The following KDM5B variants were observed in gnomAD, a reference collection of about 807,000 sequenced individuals.
KDM5B encodes the protein lysine-specific demethylase 5B.
KDM5B carries 144 observed loss-of-function variants against 193.4 expected under a neutral mutation model. That is an observed-to-expected ratio of 0.74 (90% CI 0.65 to 0.86). The LOEUF (loss-of-function observed/expected upper bound fraction) is 0.86. Among genes scored for constraint, KDM5B ranks in the 40% least tolerant of loss-of-function variants. The pLI, the probability that KDM5B is intolerant of heterozygous loss-of-function variation, is 0.00. For synonymous variants in KDM5B, 668 were observed against 682.6 expected, an observed-to-expected ratio of 0.98 and a Z score of 0.33; for missense variants, 1,833 against 1,886.9, an observed-to-expected ratio of 0.97 and a Z score of 0.53.
At chr1:202,735,276 C>CT (rs554933453) in intron 22 of KDM5B, among the ~76,000 whole-genome samples, 153 bp downstream of exon 22, 382 of 152,294 alleles carry the variant, frequency 2.5e-3, no homozygotes, top group Non-Finnish European at 4.5e-3. Context: ...ATTCAAAACT[C>CT]TTAACACTTG....
intron 1 of KDM5B, among the ~76,000 whole-genome samples, chr1:202,799,117 T>G (rs1394109991): frequency 6.6e-6 from 1 of 152,214 alleles, no homozygotes; most frequent in African/African-American, 2.4e-5. Flanking sequence ...AGACTCTTCT[T>G]AGCAATGAGC....
At chr1:202,801,604 C>A (rs1658076541) in intron 1 of KDM5B, among the ~76,000 whole-genome samples, 1 of 138,350 alleles carries the variant, frequency 7.2e-6, no homozygotes, top group Non-Finnish European at 1.6e-5. Context: ...TGGAAGTGTA[C>A]AATTTAATTT....
intron 11 of KDM5B, among the ~76,000 whole-genome samples, chr1:202,753,883 G>C (rs1655902456): frequency 6.6e-6 from 1 of 151,762 alleles, no homozygotes; most frequent in South Asian, 2.1e-4. Context: ...TTGCCAGGCT[G>C]GTCTCGAACT....
At position 202,752,965 on chromosome 1, in the gene KDM5B, A is replaced by T; in HGVS notation, c.1641T>A (p.Asp547Glu). 6.2e-7 allele frequency: 1 copy of T among 1,614,146 alleles called. No homozygotes were observed. The highest frequency in any genetic ancestry group is 2.2e-5 in the East Asian group (1 of 44,882). Residue 547 changes from aspartate to glutamate, a missense_variant, in exon 12 of 27, where the codon GAT (aspartate) becomes GAA (glutamate). Physicochemically the swap from Asp to Glu is conservative, Grantham distance 45 (BLOSUM62 2). Coordinates refer to ENST00000367265, the MANE Select transcript of KDM5B (RefSeq NM_006618.5). ...TGATGGTCACAAGCTGATGGAGGAG[A>T]TCCGGCTGGGACACAAAGAGTTCTG... ...LAPELFVSQP[D>E]LLHQLVTIMN...
chr1:202,731,980 A>G (rs769703623), intron 23 of KDM5B, 41 bp from the exon 24 acceptor site: 22 of 1,342,978 alleles, frequency 1.6e-5, no homozygotes, highest in Middle Eastern at 3.7e-4. Flanking sequence ...TCTCTTCAGG[A>G]TTAAAAATAC....
chr1:202,766,868 C>T (rs937606054), intron 5 of KDM5B, 58 bp downstream of exon 5: 69 of 1,503,368 alleles, frequency 4.6e-5, no homozygotes, highest in Non-Finnish European at 6.1e-5. Context: ...CAGTGCCAGA[C>T]AGCCATTGGT....
intron 1 of KDM5B, among the ~76,000 whole-genome samples, chr1:202,786,786 C>T (rs903034962): frequency 6.6e-6 from 1 of 152,084 alleles, no homozygotes; most frequent in African/African-American, 2.4e-5. Context: ...GTGGCTCACA[C>T]CTGTAATCCC....
rs776430639 is a variant in KDM5B at position 202,736,389 on chromosome 1, C to T, written c.3088G>A (p.Gly1030Arg). The part of the protein sequence containing the change: ...WLQDVEGLQA[G>R]GRVPVLDTLI... ...GTGTCTAACACTGGCACACGTCCTCCAGCCTAATAAGTCAAGAAAAATTAC... is the reference window on the plus strand; with the variant it reads ...GTGTCTAACACTGGCACACGTCCTCTAGCCTAATAAGTCAAGAAAAATTAC... The change falls in exon 21 of 27, where the codon GGA becomes AGA. Residue 1030 changes from glycine to arginine, a missense_variant. This residue lies in a region of KDM5B where 1,379 missense variants were observed against 1,349.6 expected (regional missense o/e 1.02). Coordinates refer to ENST00000367265, the MANE Select transcript of KDM5B (RefSeq NM_006618.5). The T allele has an allele frequency of 9.7e-6, 15 of 1,550,852 alleles. No homozygotes were observed. In the East Asian group the frequency reaches 2.6e-4, roughly 27 times the overall value.
At position 202,728,083 on chromosome 1, in the gene KDM5B, C is replaced by T. The variant is rs994992334; in HGVS notation, c.*953G>A. ...AATGTTGTTTGCAGGCTAACATCCA[C>T]TGCTACTGCAACCTGGTTGGGCAGA... On this transcript the variant is annotated 3_prime_UTR_variant, in exon 27 of 27. Transcript: ENST00000367265. The T allele has an allele frequency of 1.3e-5, 2 of 152,346 alleles. No homozygotes were observed. The highest frequency in any genetic ancestry group is 4.8e-5 in the African/African-American group (2 of 41,472). The allele number at this position is 152,346 out of a possible 1,614,324, so 9.4% of individuals were successfully genotyped here.
intron 12 of KDM5B, among the ~76,000 whole-genome samples, chr1:202,751,017 C>T (rs1258335826): frequency 6.6e-6 from 1 of 152,060 alleles, no homozygotes; most frequent in East Asian, 1.9e-4. Context: ...CAAAAATGTG[C>T]CCATATTAAG....
At chr1:202,784,779 C>A (rs1291026535) in intron 1 of KDM5B, among the ~76,000 whole-genome samples, 3 of 152,178 alleles carry the variant, frequency 2.0e-5, no homozygotes, top group Admixed American at 6.5e-5. Context: ...GTGGCTCATG[C>A]CAGTAATCCC....
rs549432959 is a variant in KDM5B at position 202,771,037 on chromosome 1, A to G, written c.576+2081T>C. On this transcript the variant is annotated intron_variant, in intron 4 of 26. Coordinates refer to ENST00000367265, the MANE Select transcript of KDM5B (RefSeq NM_006618.5). ...TTAAGTATATAAGTGACATGTTTCTAAAATGTTACAACCCACAAAGCATCA... is the reference window on the plus strand; with the variant it reads ...TTAAGTATATAAGTGACATGTTTCTGAAATGTTACAACCCACAAAGCATCA... Among the ~76,000 whole-genome samples, 7 of 152,298 alleles carry G rather than the reference A, an allele frequency of 4.6e-5. No individual in the cohort carries two copies. The South Asian group carries it at 1.4e-3, about 32-fold the overall frequency.
chr1:202,789,576 A>G (rs1276056129), intron 1 of KDM5B, among the ~76,000 whole-genome samples: 4 of 456 alleles, frequency 8.8e-3, no homozygotes, highest in African/African-American at 0.02. Flanking sequence ...AGAAAGGAAA[A>G]GGGGAAAGGA....
chr1:202,748,878 A>C, intron 14 of KDM5B, 67 bp downstream of exon 14: 1 of 1,282,650 alleles, frequency 7.8e-7, no homozygotes, highest in South Asian at 1.4e-5. Flanking sequence ...AATGATATTA[A>C]AGTGCGTAAA....
chr1:202,774,509 C>CTGTAAGTGCTGAGATTACAGATTACAG (rs1656857087), intron 3 of KDM5B, 104 bp downstream of exon 3: 2 of 1,063,626 alleles, frequency 1.9e-6, no homozygotes, highest in Non-Finnish European at 2.8e-6. Context: ...ATTACAGGTG[C>CTGTAAGTGCTGAGATTACAGATTACAG]GAGCCACCTG....
chr1:202,745,610 C>G (rs1472175069), intron 16 of KDM5B, among the ~76,000 whole-genome samples: 2 of 152,032 alleles, frequency 1.3e-5, no homozygotes, highest in Non-Finnish European at 2.9e-5. Flanking sequence ...CTAACAATAT[C>G]GTTTTTGTTA....
rs752552214 is a variant in KDM5B, at chr1:202,764,091, G to A, written c.766C>T (p.Leu256=). The change falls in exon 6 of 27, where the codon CTG becomes TTG. Residue 256 remains leucine (L), a synonymous_variant. Coordinates refer to ENST00000367265, the MANE Select transcript of KDM5B (RefSeq NM_006618.5). The part of the protein sequence containing the change: ...EETTEARTHN[L]RRRMGCPTPK... ...GTTGGACAACCCATTCGACGTCTCAGATTATGAGTTCTGGCTTCCGTTGTC... is the reference window on the plus strand; with the variant it reads ...GTTGGACAACCCATTCGACGTCTCAAATTATGAGTTCTGGCTTCCGTTGTC... 6.3e-7 allele frequency: 1 copy of A among 1,587,172 alleles called. No homozygotes were observed. The highest frequency in any genetic ancestry group is 8.6e-7 in the Non-Finnish European group (1 of 1,169,160).
At chr1:202,767,805 G>C (rs546268327) in intron 4 of KDM5B, among the ~76,000 whole-genome samples, 37 of 152,180 alleles carry the variant, frequency 2.4e-4, no homozygotes, top group Admixed American at 2.0e-3. Context: ...GAACCACTTG[G>C]AGTTATTTGT....
At chr1:202,790,848 C>A (rs1396715098) in intron 1 of KDM5B, among the ~76,000 whole-genome samples, 1 of 152,142 alleles carries the variant, frequency 6.6e-6, no homozygotes, top group Non-Finnish European at 1.5e-5. Flanking sequence ...ACCAGGCCAG[C>A]ACAAGACATC....
Sources: gnomAD v4.1 joint callset for allele counts (sites outside exome capture counted in the v4.1 genomes callset) on GRCh38, gnomAD v4.1.1 for gene constraint, gnomAD v4.1.1 regional missense constraint, MANE v1.5 for transcripts, NCBI Gene and HGNC (gene_info 2026-07-23, HGNC 2026-07-21) for gene names.